The following NDE1 variants were observed in gnomAD, a reference collection of about 807,000 sequenced individuals.
NDE1 encodes nuclear distribution protein nudE homolog 1.
Under a neutral mutation model 43.4 loss-of-function variants are expected in NDE1, and 28 were observed. That is an observed-to-expected ratio of 0.65 (90% CI 0.48 to 0.89). The LOEUF (loss-of-function observed/expected upper bound fraction) is 0.89, where lower values mean the gene tolerates loss of function less well. NDE1 is among the 40% of genes least tolerant of loss of function. The pLI is 0.00. For missense variants in NDE1, 441 were observed against 434.1 expected (o/e 1.02, Z -0.14); for synonymous variants, 184 against 172.0 (o/e 1.07, Z -0.55).
At chr16:15,671,547 G>A (rs1449795848) in intron 3 of NDE1, among the ~76,000 whole-genome samples, 2 of 152,006 alleles carry the variant, frequency 1.3e-5, no homozygotes, top group Non-Finnish European at 1.5e-5. Flanking sequence ...AACACACATT[G>A]TTGAGTTTCC....
intron 4 of NDE1, 78 bp downstream of exon 4, chr16:15,678,027 T>G: frequency 1.2e-5 from 19 of 1,529,748 alleles, no homozygotes; most frequent in East Asian, 2.3e-5. Context: ...TACTGGGCCC[T>G]GTGCTGAGTA....
At chr16:15,646,137 G>T (rs948994957), upstream of NDE1, among the ~76,000 whole-genome samples, 8 of 152,152 alleles carry the variant, frequency 5.3e-5, no homozygotes, top group Non-Finnish European at 8.8e-5. Flanking sequence ...GAAAATTTGG[G>T]AAATTGAGAA....
At chr16:15,669,720 C>T (rs981947343) in intron 3 of NDE1, among the ~76,000 whole-genome samples, 12 of 152,112 alleles carry the variant, frequency 7.9e-5, no homozygotes, top group Non-Finnish European at 1.6e-4. Flanking sequence ...GTCTCGAACT[C>T]CTGAGCTCAG....
chr16:15,715,534 T>C (rs1039317400), intron 8 of NDE1, among the ~76,000 whole-genome samples: 3 of 152,196 alleles, frequency 2.0e-5, no homozygotes, highest in African/African-American at 7.2e-5. Context: ...TCCGTTGATA[T>C]CAAGTGTCCA....
chr16:15,666,742 T>C (rs2037327705), intron 2 of NDE1, among the ~76,000 whole-genome samples: 1 of 152,160 alleles, frequency 6.6e-6, no homozygotes, highest in South Asian at 2.1e-4. Flanking sequence ...TGCCTCAGCC[T>C]CCCAGGTAGC....
At chr16:15,678,478 C>T (rs2038001397) in intron 4 of NDE1, among the ~76,000 whole-genome samples, 1 of 152,076 alleles carries the variant, frequency 6.6e-6, no homozygotes, top group African/African-American at 2.4e-5. Flanking sequence ...AATTCTCATG[C>T]CTCAGGCTCC....
At position 15,715,211 on chromosome 16, in the gene NDE1, G is replaced by A. The variant is rs142639688; in HGVS notation, c.948-8980G>A. ...ATCTTGCGCTCGTCCTCCACCTGCA[G>A]CAAGATTTCCTTCAGCTTCTTGTCT... is the stretch of plus-strand genomic sequence containing the variant. On this transcript the variant is annotated intron_variant, in intron 8 of 8. Transcript: ENST00000396354. The A allele has an allele frequency of 2.3e-3, 3,686 of 1,613,992 alleles. 4 individuals are homozygous for A. The highest frequency in any genetic ancestry group is 3.0e-3 in the Non-Finnish European group (3,493 of 1,180,046).
rs142613263 is a variant in NDE1, at chr16:15,720,950, G to A, written c.948-3241G>A. ...TGTTGACTTCCAGCCGCAGTTTGGC[G>A]TCCTCCGTGGCTTGCAGCTCGTCCT... On this transcript the variant is annotated intron_variant, in intron 8 of 8. Coordinates refer to ENST00000396354, the MANE Select transcript of NDE1 (RefSeq NM_017668.3). 8.6e-5 allele frequency: 138 copies of A among 1,613,946 alleles called. No individual in the cohort carries two copies. Among genetic ancestry groups the A allele is most frequent in the Admixed American group, 2.0e-4 (12 of 59,982 alleles).
At chr16:15,714,643 T>C (rs1459269972) in intron 8 of NDE1, 1 of 578,004 alleles carries the variant, frequency 1.7e-6, no homozygotes, top group Non-Finnish European at 3.1e-6. Context: ...AGCCTCTTCC[T>C]CCTCCTCAGC....
intron 1 of NDE1, among the ~76,000 whole-genome samples, chr16:15,654,705 C>A (rs2036676041): frequency 6.8e-6 from 1 of 147,882 alleles, no homozygotes; most frequent in Non-Finnish European, 1.5e-5. Context: ...AAGCCTTGGA[C>A]TTGAATGCAA....
intron 4 of NDE1, chr16:15,683,347 T>A (rs1471924078): frequency 6.6e-6 from 1 of 152,076 alleles, no homozygotes; most frequent in Non-Finnish European, 1.5e-5. Flanking sequence ...ATATGGGTTT[T>A]TTTTGTTTGT....
intron 1 of NDE1, among the ~76,000 whole-genome samples, chr16:15,654,303 A>G (rs188121139): frequency 5.9e-5 from 9 of 152,142 alleles, no homozygotes; most frequent in Non-Finnish European, 1.2e-4. Context: ...AGTGCCTTTT[A>G]AAACACTATG....
chr16:15,717,695 T>C (rs942499094), intron 8 of NDE1: 2 of 381,232 alleles, frequency 5.2e-6, no homozygotes, highest in African/African-American at 2.1e-5. Flanking sequence ...ACTTGGGAGG[T>C]TGAAGCAGGA....
At chr16:15,691,474 T>C (rs184204227) in intron 6 of NDE1, 151 bp downstream of exon 6, 38 of 915,860 alleles carry the variant, frequency 4.1e-5, no homozygotes, top group South Asian at 3.7e-4. Flanking sequence ...TGGGATGTTC[T>C]TGGGGATGGG....
intron 8 of NDE1, chr16:15,718,280 A>G: frequency 6.2e-7 from 1 of 1,605,936 alleles, no homozygotes; most frequent in Non-Finnish European, 8.5e-7. Context: ...GAGAGACAGT[A>G]GGCAGCGTGA....
At chr16:15,649,200 T>A (rs2036394208), upstream of NDE1, 2 of 152,114 alleles carry the variant, frequency 1.3e-5, no homozygotes, top group African/African-American at 2.4e-5. Flanking sequence ...CATCTCAAAA[T>A]AAATAAATAA....
At chr16:15,701,925 G>C (rs1471682452) in intron 8 of NDE1, 1 of 152,174 alleles carries the variant, frequency 6.6e-6, no homozygotes, top group Non-Finnish European at 1.5e-5. Context: ...TGTTGAACTT[G>C]TTGGGCTTCT....
intron 8 of NDE1, chr16:15,719,777 T>A: frequency 6.2e-7 from 1 of 1,607,914 alleles, no homozygotes; most frequent in South Asian, 1.1e-5. Flanking sequence ...TGCTGCCCAG[T>A]TCAGCTTTGC....
chr16:15,686,633 G>A (rs905514756), intron 4 of NDE1: 1 of 745,200 alleles, frequency 1.3e-6, no homozygotes, highest in African/African-American at 1.9e-5. Context: ...AGCTGTGATT[G>A]TACCACTGCA....
Sources: allele counts gnomAD v4.1 joint callset (sites outside exome capture counted in the v4.1 genomes callset), GRCh38; gene constraint gnomAD v4.1.1; transcripts MANE v1.5; gene names NCBI Gene and HGNC (gene_info 2026-07-23, HGNC 2026-07-21).